MME: variants seen among roughly 807,000 people sequenced by gnomAD.
MME encodes membrane metalloendopeptidase, also known as neprilysin.
MME carries 98 observed loss-of-function variants against 113.2 expected under a neutral mutation model. The observed-to-expected ratio is 0.87, with a 90% CI of 0.74 to 1.02. The LOEUF is 1.02. MME is among the 50% of genes least tolerant of loss of function. The pLI, the probability that MME is intolerant of heterozygous loss-of-function variation, is 0.00. For missense variants in MME, 836 were observed against 896.0 expected (o/e 0.93, Z 0.86); for synonymous variants, 292 against 300.6 (o/e 0.97, Z 0.30).
chr3:155,030,984 T>G (rs745923242), intron 1 of MME, among the ~76,000 whole-genome samples: 5 of 152,230 alleles, frequency 3.3e-5, no homozygotes, highest in Non-Finnish European at 2.9e-5. Flanking sequence ...AGGGAATTCA[T>G]CCTGGGTCAC....
chr3:155,177,266 G>T (rs1712633278), intron 22 of MME, among the ~76,000 whole-genome samples: 2 of 152,126 alleles, frequency 1.3e-5, no homozygotes, highest in Admixed American at 1.3e-4. Context: ...AGTCAGTGAT[G>T]CTGATGGCTT....
At chr3:155,035,074 A>T (rs1713087087) in intron 1 of MME, among the ~76,000 whole-genome samples, 1 of 152,130 alleles carries the variant, frequency 6.6e-6, no homozygotes, top group Non-Finnish European at 1.5e-5. Context: ...ATGGAGATGG[A>T]ATGTTTATTT....
intron 1 of MME, among the ~76,000 whole-genome samples, chr3:155,051,267 T>G (rs1374999340): frequency 3.3e-5 from 5 of 152,164 alleles, no homozygotes; most frequent in African/African-American, 9.7e-5. Context: ...TTAGATGACA[T>G]TATTCAAGAA....
chr3:155,100,201 A>G (rs539023282), intron 3 of MME, among the ~76,000 whole-genome samples: 12 of 152,336 alleles, frequency 7.9e-5, no homozygotes, highest in Admixed American at 5.9e-4. Flanking sequence ...CAACAAATTT[A>G]CAAGAAAAAA....
intron 1 of MME, among the ~76,000 whole-genome samples, chr3:155,032,205 G>A (rs560934452): frequency 6.6e-6 from 1 of 152,284 alleles, no homozygotes; most frequent in African/African-American, 2.4e-5. Context: ...AAAAGATCTT[G>A]TAGGAGAAAT....
Position 155,085,043 on chromosome 3 carries a change from T to C in MME, c.161-16T>C. ...TTGTGTTGCCAATATTTATGTATAT[T>C]CTCTCCTTTTTCTAGATGGTATTTG... On this transcript the variant is annotated splice_polypyrimidine_tract_variant and intron_variant, in intron 2 of 22. Transcript: ENST00000360490. The C allele has an allele frequency of 6.4e-7, 1 of 1,568,816 alleles. No individual in the cohort carries two copies. Among genetic ancestry groups the C allele is most frequent in the Non-Finnish European group, 8.7e-7 (1 of 1,146,150 alleles).
chr3:155,028,998 T>G (rs758208342), intron 1 of MME, among the ~76,000 whole-genome samples: 1 of 152,304 alleles, frequency 6.6e-6, no homozygotes, highest in South Asian at 2.1e-4. Flanking sequence ...AAAGTGATCA[T>G]GTAAAGGTTT....
intron 3 of MME, chr3:155,089,842 G>A (rs373828044): frequency 8.8e-6 from 4 of 452,974 alleles, no homozygotes; most frequent in East Asian, 1.4e-4. Context: ...AGGCATGGTA[G>A]CACGCGCCTA....
At position 155,052,015 on chromosome 3, in the gene MME, C is replaced by T. The variant is rs749766150; in HGVS notation, c.-11+27691C>T. The stretch of plus-strand genomic sequence containing the variant: ...AATTGGCCAAAACAAAGGGGTTATA[C>T]GCCCCATACAAATCTGAAATCAATA... On this transcript the variant is annotated intron_variant, in intron 1 of 22. Transcript: ENST00000492661. Among the ~76,000 whole-genome samples the T allele has an allele frequency of 2.2e-4, 33 of 152,308 alleles. No individual in the cohort carries two copies. In the South Asian group the frequency reaches 2.3e-3, roughly 11 times the overall value.
chr3:155,122,546 T>C (rs1408039052), intron 8 of MME, among the ~76,000 whole-genome samples: 1 of 45,862 alleles, frequency 2.2e-5, no homozygotes, highest in African/African-American at 8.4e-5. Flanking sequence ...CTTTCTCTTG[T>C]GGGCATTTAG....
At chr3:155,050,324 A>G (rs1713717113) in intron 1 of MME, among the ~76,000 whole-genome samples, 6 of 152,174 alleles carry the variant, frequency 3.9e-5, no homozygotes. Flanking sequence ...TGATAGAATA[A>G]TCTATATTCC....
At chr3:155,057,635 ACT>A (rs1713980148) in intron 1 of MME, among the ~76,000 whole-genome samples, 1 of 150,032 alleles carries the variant, frequency 6.7e-6, no homozygotes, top group Non-Finnish European at 1.5e-5. Context: ...TACATTTTAT[ACT>A]CTCAGAGTGT....
At chr3:155,167,077 A>G (rs544540715) in intron 18 of MME, 56 bp downstream of exon 18, 2 of 1,597,188 alleles carry the variant, frequency 1.3e-6, no homozygotes, top group East Asian at 2.2e-5. Flanking sequence ...AAATTTGATT[A>G]AGAGTTATTA....
intron 16 of MME, among the ~76,000 whole-genome samples, chr3:155,157,250 C>G (rs991365517): frequency 6.6e-6 from 1 of 152,104 alleles, no homozygotes; most frequent in Non-Finnish European, 1.5e-5. Context: ...CCACTCTTCA[C>G]TTTATACCAC....
chr3:155,174,907 A>G (rs1167038969), intron 22 of MME, among the ~76,000 whole-genome samples: 1 of 152,074 alleles, frequency 6.6e-6, no homozygotes. Context: ...ACTAAAACAT[A>G]AGTCATAAAA....
intron 1 of MME, among the ~76,000 whole-genome samples, chr3:155,067,203 G>GA (rs947619861): frequency 0.028 from 1,762 of 62,262 alleles, 31 homozygotes; most frequent in African/African-American, 0.079. Flanking sequence ...CAGGCAATTT[G>GA]AAAAAAAAAA....
intron 1 of MME, among the ~76,000 whole-genome samples, chr3:155,028,213 A>G (rs1712851101): frequency 6.6e-6 from 1 of 152,214 alleles, no homozygotes; most frequent in Non-Finnish European, 1.5e-5. Flanking sequence ...GACAGAAGAG[A>G]AACAAGTAAA....
chr3:155,151,258 C>T (rs1323603235), intron 16 of MME, among the ~76,000 whole-genome samples: 2 of 152,154 alleles, frequency 1.3e-5, no homozygotes, highest in Non-Finnish European at 2.9e-5. Context: ...CTCCCAAAGT[C>T]TTGAAAGAGA....
chr3:155,033,278 C>T (rs1337245900), intron 1 of MME, among the ~76,000 whole-genome samples: 1 of 152,138 alleles, frequency 6.6e-6, no homozygotes, highest in Non-Finnish European at 1.5e-5. Flanking sequence ...TGTTCTATTT[C>T]ATAATAAACT....
Sources: gnomAD v4.1 joint callset for allele counts (sites outside exome capture counted in the v4.1 genomes callset) on GRCh38, gnomAD v4.1.1 for gene constraint, MANE v1.5 for transcripts, NCBI Gene and HGNC (gene_info 2026-07-23, HGNC 2026-07-21) for gene names.